PCDHGB1: variants seen among roughly 807,000 people sequenced by gnomAD.
PCDHGB1 encodes the protein protocadherin gamma-B1.
In PCDHGB1, 34 loss-of-function variants were observed where a neutral mutation model predicts 56.6. That is an observed-to-expected ratio of 0.60 (90% CI 0.46 to 0.80). The LOEUF (loss-of-function observed/expected upper bound fraction) is 0.80, where lower values mean the gene tolerates loss of function less well. Among genes scored for constraint, PCDHGB1 ranks in the 30% least tolerant of loss-of-function variants. The pLI, the probability that PCDHGB1 is intolerant of heterozygous loss-of-function variation, is 0.00. For missense variants in PCDHGB1, 1,278 were observed against 1,204.6 expected (o/e 1.06, Z -0.90); for synonymous variants, 561 against 505.9 (o/e 1.11, Z -1.46).
chr5:141,432,209 A>C lies in PCDHGB1; in HGVS notation c.2410-62598A>C, dbSNP rs1473794319. ...CGCCCACGACCCCGACTGTGAAGAGAACGCCCAGATCACTTATTCCCTGGC... is the reference window on the plus strand; with the variant it reads ...CGCCCACGACCCCGACTGTGAAGAGCACGCCCAGATCACTTATTCCCTGGC... On this transcript the variant is annotated intron_variant, in intron 1 of 3. Transcript: ENST00000523390. This position sits in a 1 kb window ranked among gnomAD's most constrained non-coding sequence, Gnocchi z 6.0. 2 of 1,614,098 alleles carry C rather than the reference A, an allele frequency of 1.2e-6. No homozygotes were observed. Among genetic ancestry groups the C allele is most frequent in the Non-Finnish European group, 8.5e-7 (1 of 1,180,032 alleles).
At chr5:141,412,057 T>C (rs1426056647) in intron 1 of PCDHGB1, 1 of 152,202 alleles carries the variant, frequency 6.6e-6, no homozygotes, top group Non-Finnish European at 1.5e-5. Flanking sequence ...TCTATACCCT[T>C]TGCATTTGAG....
intron 1 of PCDHGB1, among the ~76,000 whole-genome samples, chr5:141,467,116 A>T (rs981562543): frequency 2.0e-5 from 3 of 150,560 alleles, no homozygotes; most frequent in Non-Finnish European, 4.4e-5. Flanking sequence ...ACAATGGTGC[A>T]ATCTCAGCTC....
At chr5:141,403,046 C>T in intron 1 of PCDHGB1, 1 of 1,614,056 alleles carries the variant, frequency 6.2e-7, no homozygotes, top group Non-Finnish European at 8.5e-7. Flanking sequence ...CAGTCAGATT[C>T]GCTACTCAGT....
At chr5:141,383,939 T>C (rs1272507661) in intron 1 of PCDHGB1, 1 of 1,613,738 alleles carries the variant, frequency 6.2e-7, no homozygotes, top group African/African-American at 1.3e-5. Context: ...GCTCCAGAAG[T>C]GACTATGACG....
intron 1 of PCDHGB1, chr5:141,421,009 T>G (rs948913987): frequency 1.9e-6 from 1 of 515,496 alleles, no homozygotes. Context: ...AATCAGGGAA[T>G]GGGAAGCTGC....
At chr5:141,418,848 G>C (rs770294020) in intron 1 of PCDHGB1, 1 of 1,613,836 alleles carries the variant, frequency 6.2e-7, no homozygotes, top group Non-Finnish European at 8.5e-7. Flanking sequence ...CTCTCAACAC[G>C]GTGTAAAGTA....
intron 1 of PCDHGB1, among the ~76,000 whole-genome samples, chr5:141,444,312 C>G (rs2098431691): frequency 6.6e-6 from 1 of 151,856 alleles, no homozygotes; most frequent in Non-Finnish European, 1.5e-5. Flanking sequence ...GCTAGGATTA[C>G]AGGCATGTGC....
At chr5:141,506,247 G>A (rs113270457) in intron 3 of PCDHGB1, among the ~76,000 whole-genome samples, 8,033 of 152,078 alleles carry the variant, frequency 0.053, 470 homozygotes, top group African/African-American at 0.14. Flanking sequence ...TCAGGAGTTC[G>A]AAACCGGCCT....
Position 141,476,290 on chromosome 5 carries a change from C to G in PCDHGB1, c.2410-18517C>G, listed in dbSNP as rs768208156. The stretch of plus-strand genomic sequence containing the variant: ...TGGTCGCGAACCTTGGTTTGGATCT[C>G]GGTAGCCTCTCAGCCCGCAGGTTCC... On this transcript the variant is annotated intron_variant, in intron 1 of 3. Coordinates refer to ENST00000523390, the MANE Select transcript of PCDHGB1 (RefSeq NM_018922.3). The surrounding 1 kb of genome is among the most constrained non-coding windows in gnomAD (Gnocchi z 7.6). 1 of 1,614,050 alleles carries G rather than the reference C, an allele frequency of 6.2e-7. No homozygotes were observed. The highest frequency in any genetic ancestry group is 1.7e-5 in the Admixed American group (1 of 60,012).
chr5:141,404,004 C>G (rs1219625288), intron 1 of PCDHGB1: 33 of 1,613,842 alleles, frequency 2.0e-5, no homozygotes, highest in Non-Finnish European at 2.8e-5. Flanking sequence ...ACCATTACAT[C>G]TCTGTTTAGC....
intron 1 of PCDHGB1, chr5:141,362,394 C>A (rs1762476605): frequency 6.2e-7 from 1 of 1,613,932 alleles, no homozygotes; most frequent in Non-Finnish European, 8.5e-7. Flanking sequence ...ATTCCTACAA[C>A]CTGTGTGTTG....
chr5:141,486,688 C>G lies in PCDHGB1; in HGVS notation c.2410-8119C>G, dbSNP rs748605515. On this transcript the variant is annotated intron_variant, in intron 1 of 3. Coordinates refer to ENST00000523390, the MANE Select transcript of PCDHGB1 (RefSeq NM_018922.3). This position sits in a 1 kb window ranked among gnomAD's most constrained non-coding sequence, Gnocchi z 5.0. ...CCAGGAATCGAGATGTATCAGCTTCCTCTTTCATCTCTCTGAACCCCCAGA... is the reference window on the plus strand; with the variant it reads ...CCAGGAATCGAGATGTATCAGCTTCGTCTTTCATCTCTCTGAACCCCCAGA... The G allele has an allele frequency of 1.2e-6, 2 of 1,614,170 alleles. No homozygotes were observed. The highest frequency in any genetic ancestry group is 8.5e-7 in the Non-Finnish European group (1 of 1,180,044).
intron 1 of PCDHGB1, chr5:141,372,682 C>A (rs1169357229): frequency 1.9e-6 from 3 of 1,614,010 alleles, no homozygotes; most frequent in Non-Finnish European, 2.5e-6. Flanking sequence ...TCCTCAAACA[C>A]CGAGTTTAAA....
At position 141,433,356 on chromosome 5, in the gene PCDHGB1, T is replaced by A. The variant is rs549297958; in HGVS notation, c.2410-61451T>A. On this transcript the variant is annotated intron_variant, in intron 1 of 3. Transcript: ENST00000523390. ...CTACAGGTGCAAGCCACCTACTGTC[T>A]GCCTATCTATCTATCTATCTATCTA... The A allele has an allele frequency of 8.4e-5, 51 of 607,892 alleles. No homozygotes were observed. The African/African-American group carries it at 9.5e-4, about 11-fold the overall frequency. 37.7% of individuals were successfully genotyped at this position (607,892 alleles called of 1,614,324 possible).
intron 1 of PCDHGB1, chr5:141,399,842 A>T (rs749737928): frequency 6.2e-7 from 1 of 1,612,970 alleles, no homozygotes; most frequent in South Asian, 1.1e-5. Context: ...GCGCTCTTCG[A>T]TATGGTGCCG....
intron 2 of PCDHGB1, among the ~76,000 whole-genome samples, chr5:141,496,492 C>A (rs2099769172): frequency 6.6e-6 from 1 of 152,186 alleles, no homozygotes; most frequent in Non-Finnish European, 1.5e-5. Context: ...CCAACCAAAC[C>A]CTTGTTGCCA....
At chr5:141,389,871 G>A (rs199638280) in intron 1 of PCDHGB1, 73 of 1,613,938 alleles carry the variant, frequency 4.5e-5, no homozygotes, top group Non-Finnish European at 5.8e-5. Flanking sequence ...CCTGGTCTTC[G>A]CCGACAGCTT....
At chr5:141,427,007 C>T (rs1215109574) in intron 1 of PCDHGB1, 2 of 456,668 alleles carry the variant, frequency 4.4e-6, no homozygotes, top group Admixed American at 2.3e-5. Flanking sequence ...CAGTTTTTAG[C>T]CAGGATGTAT....
At chr5:141,369,369 T>G (rs1354774956) in intron 1 of PCDHGB1, among the ~76,000 whole-genome samples, 28 of 152,158 alleles carry the variant, frequency 1.8e-4, no homozygotes, top group Admixed American at 1.8e-3. Flanking sequence ...AAAACATCCT[T>G]TGTAAAAGTT....
Sources: gnomAD v4.1 joint callset for allele counts (sites outside exome capture counted in the v4.1 genomes callset) on GRCh38, gnomAD v4.1.1 for gene constraint, Gnocchi (gnomAD v3.1) non-coding constraint, MANE v1.5 for transcripts, NCBI Gene and HGNC (gene_info 2026-07-23, HGNC 2026-07-21) for gene names.